RTL4: variants seen among roughly 807,000 people sequenced by gnomAD.
The protein encoded by RTL4 is retrotransposon Gag-like protein 4.
RTL4 carries 4 observed loss-of-function variants against 5.3 expected under a neutral mutation model. The ratio of observed to expected loss-of-function variants is 0.75; its 90% CI spans 0.37 to 1.72. The LOEUF (loss-of-function observed/expected upper bound fraction) is 1.72. Among genes scored for constraint, RTL4 ranks in the 40% most tolerant of loss-of-function variants. The probability of loss-of-function intolerance (pLI) is 0.04; values close to 1 mark genes in which losing one functional copy is unlikely to be tolerated. For missense variants in RTL4, 260 were observed against 227.1 expected (o/e 1.14, Z -0.93); for synonymous variants, 98 against 87.3 (o/e 1.12, Z -0.68).
the RTL4 span, among the ~76,000 whole-genome samples, chrX:112,145,217 CT>C: frequency 3.6e-5 from 4 of 111,773 alleles, no homozygotes; most frequent in African/African-American, 1.3e-4. Flanking sequence ...AGGAGCAATA[CT>C]TTTTGATCAT....
At chrX:112,204,741 C>T in the RTL4 span, among the ~76,000 whole-genome samples, 1 of 111,316 alleles carries the variant, frequency 9.0e-6, no homozygotes, top group African/African-American at 3.3e-5. Context: ...ATAAGACCTA[C>T]TATTTGACAG....
At chrX:112,222,718 G>T in the RTL4 span, among the ~76,000 whole-genome samples, 1 of 110,791 alleles carries the variant, frequency 9.0e-6, no homozygotes, top group Non-Finnish European at 1.9e-5. Context: ...GGAAAACAGA[G>T]CAAGACCGTG....
At chrX:112,440,622 G>A in the RTL4 span, among the ~76,000 whole-genome samples, 2 of 111,887 alleles carry the variant, frequency 1.8e-5, no homozygotes, top group Non-Finnish European at 1.9e-5. Context: ...AGGTCTATGC[G>A]GATGTGAAAA....
At chrX:112,452,648 G>T (rs1291952350), upstream of RTL4, among the ~76,000 whole-genome samples, 1 of 111,708 alleles carries the variant, frequency 9.0e-6, no homozygotes, top group African/African-American at 3.3e-5. Flanking sequence ...ATCTACATTG[G>T]AAATATTTTG....
At chrX:112,381,529 A>T in the RTL4 span, 1 of 1,192,847 alleles carries the variant, frequency 8.4e-7, no homozygotes, top group Non-Finnish European at 1.1e-6. Flanking sequence ...TGACTAACAA[A>T]ACTGAAGAGT....
the RTL4 span, among the ~76,000 whole-genome samples, chrX:112,313,314 C>T: frequency 6.3e-5 from 7 of 110,770 alleles, no homozygotes; most frequent in African/African-American, 2.0e-4. Context: ...ACCTCAAACC[C>T]CAGGGTCCAC....
chrX:112,199,338 G>A, the RTL4 span, among the ~76,000 whole-genome samples: 1 of 108,892 alleles, frequency 9.2e-6, no homozygotes, highest in East Asian at 2.9e-4. Context: ...CTTTACCTGT[G>A]TAAGGGAAAG....
At chrX:112,217,315 G>A in the RTL4 span, among the ~76,000 whole-genome samples, 3 of 111,805 alleles carry the variant, frequency 2.7e-5, no homozygotes, top group Non-Finnish European at 5.6e-5. Context: ...GAAGAGAGTT[G>A]GTGGTTATCA....
At chrX:112,257,049 T>C in the RTL4 span, among the ~76,000 whole-genome samples, 3 of 111,914 alleles carry the variant, frequency 2.7e-5, no homozygotes, top group Non-Finnish European at 3.8e-5. Flanking sequence ...AGGAAATCTT[T>C]ACTTATTCTT....
the RTL4 span, among the ~76,000 whole-genome samples, chrX:112,144,219 G>A: frequency 9.0e-6 from 1 of 111,528 alleles, no homozygotes; most frequent in Non-Finnish European, 1.9e-5. Flanking sequence ...CTTCAGTGCC[G>A]TTTGGAGTCA....
chrX:112,378,154 C>T, the RTL4 span, among the ~76,000 whole-genome samples: 2 of 111,393 alleles, frequency 1.8e-5, no homozygotes, highest in African/African-American at 6.5e-5. Flanking sequence ...ATCGCATTTG[C>T]ACCTCCCCCT....
At chrX:112,363,117 A>G in the RTL4 span, among the ~76,000 whole-genome samples, 1 of 111,009 alleles carries the variant, frequency 9.0e-6, no homozygotes, top group South Asian at 3.8e-4. Context: ...AGACTTAAGC[A>G]GAGATCAGTT....
chrX:112,223,941 G>A, the RTL4 span, among the ~76,000 whole-genome samples: 15 of 111,687 alleles, frequency 1.3e-4, no homozygotes, highest in Non-Finnish European at 2.4e-4. Flanking sequence ...TGGAAACCAC[G>A]ATCAACTCAC....
At chrX:112,364,410 A>G in the RTL4 span, among the ~76,000 whole-genome samples, 2 of 111,948 alleles carry the variant, frequency 1.8e-5, no homozygotes, top group African/African-American at 6.5e-5. Context: ...GTAATTGACT[A>G]TTTATATATA....
chrX:112,263,661 A>C, the RTL4 span, among the ~76,000 whole-genome samples: 1 of 111,802 alleles, frequency 8.9e-6, no homozygotes, highest in Non-Finnish European at 1.9e-5. Flanking sequence ...TTATGGCTGA[A>C]TACTTCTGAG....
chrX:112,147,213 G>C, the RTL4 span, among the ~76,000 whole-genome samples: 1 of 110,137 alleles, frequency 9.1e-6, no homozygotes, highest in African/African-American at 3.3e-5. Context: ...CAGAAACTCA[G>C]TTCATAAAAC....
chrX:112,182,546 C>A, the RTL4 span, among the ~76,000 whole-genome samples: 32 of 111,525 alleles, frequency 2.9e-4, no homozygotes, highest in African/African-American at 1.0e-3. Flanking sequence ...CCAAATCAAT[C>A]AAGTGGAAGA....
the RTL4 span, among the ~76,000 whole-genome samples, chrX:112,308,403 A>G: frequency 2.2e-3 from 242 of 111,774 alleles, 2 homozygotes; most frequent in Non-Finnish European, 3.9e-3. Flanking sequence ...AACAATATTT[A>G]GAAGTCAGTG....
the RTL4 span, among the ~76,000 whole-genome samples, chrX:112,390,105 TAATATATATATATATATATATATA>T: frequency 2.5e-5 from 1 of 40,538 alleles, no homozygotes; most frequent in East Asian, 1.0e-3. Flanking sequence ...CATTTATATA[TAATATATATATATATATATATATA>T]TATATATATA....
Sources: gnomAD v4.1 joint callset for allele counts (sites outside exome capture counted in the v4.1 genomes callset) on GRCh38, gnomAD v4.1.1 for gene constraint, MANE v1.5 for transcripts, NCBI Gene and HGNC (gene_info 2026-07-23, HGNC 2026-07-21) for gene names.